PPP2R3A: variants seen among roughly 807,000 people sequenced by gnomAD.
PPP2R3A encodes serine/threonine-protein phosphatase 2A regulatory subunit B'' subunit alpha.
In PPP2R3A, 80 loss-of-function variants were observed where a neutral mutation model predicts 106.9. The ratio of observed to expected loss-of-function variants is 0.75; its 90% confidence interval spans 0.62 to 0.90. PPP2R3A has a LOEUF of 0.90. PPP2R3A is among the 40% of genes least tolerant of loss of function. The probability of loss-of-function intolerance (pLI) is 0.00; values close to 1 mark genes in which losing one functional copy is unlikely to be tolerated. For missense variants in PPP2R3A, 1,386 were observed against 1,350.4 expected (o/e 1.03, Z -0.41); for synonymous variants, 483 against 468.3 (o/e 1.03, Z -0.41).
intron 10 of PPP2R3A, among the ~76,000 whole-genome samples, chr3:136,092,624 T>C (rs1192416718): frequency 6.6e-6 from 1 of 152,144 alleles, no homozygotes; most frequent in Non-Finnish European, 1.5e-5. Context: ...AATATTTCAC[T>C]ACAAAGTGAA....
intron 13 of PPP2R3A, among the ~76,000 whole-genome samples, chr3:136,129,487 T>G (rs1576333262): frequency 6.6e-6 from 1 of 152,272 alleles, no homozygotes; most frequent in East Asian, 1.9e-4. Flanking sequence ...AGTCTCTGAA[T>G]AGACCAATAA....
intron 1 of PPP2R3A, among the ~76,000 whole-genome samples, chr3:135,993,973 C>T (rs566409777): frequency 3.3e-5 from 5 of 152,150 alleles, no homozygotes; most frequent in South Asian, 4.2e-4. Flanking sequence ...GATAATTTTG[C>T]GGTGATAAAA....
intron 2 of PPP2R3A, among the ~76,000 whole-genome samples, chr3:136,003,745 C>A (rs1933743146): frequency 6.6e-6 from 1 of 151,880 alleles, no homozygotes; most frequent in Non-Finnish European, 1.5e-5. Flanking sequence ...TCATCTTCTT[C>A]CCAGCTCTGT....
At chr3:136,123,404 TG>T (rs1233495943) in intron 13 of PPP2R3A, among the ~76,000 whole-genome samples, 1 of 152,124 alleles carries the variant, frequency 6.6e-6, no homozygotes, top group Non-Finnish European at 1.5e-5. Context: ...ATTAAACTAA[TG>T]TCTGCATGAA....
At chr3:136,131,285 T>A (rs189349303) in intron 13 of PPP2R3A, among the ~76,000 whole-genome samples, 1 of 151,736 alleles carries the variant, frequency 6.6e-6, no homozygotes, top group Non-Finnish European at 1.5e-5. Flanking sequence ...AGGGCTAATA[T>A]CCAAAATCTA....
At chr3:136,060,738 T>C (rs1936048477) in intron 5 of PPP2R3A, among the ~76,000 whole-genome samples, 1 of 152,224 alleles carries the variant, frequency 6.6e-6, no homozygotes, top group South Asian at 2.1e-4. Flanking sequence ...AATGTGAGAC[T>C]GGACTAATAA....
At chr3:136,106,539 T>C (rs1045166803) in intron 13 of PPP2R3A, 2 of 544,966 alleles carry the variant, frequency 3.7e-6, no homozygotes, top group Non-Finnish European at 6.5e-6. Context: ...ATGAGTCTCA[T>C]CTTTCACTGG....
At chr3:135,967,513 T>G (rs1523599) in intron 1 of PPP2R3A, among the ~76,000 whole-genome samples, 52,435 of 152,074 alleles carry the variant, frequency 0.34, 10,024 homozygotes, top group African/African-American at 0.52. Context: ...GAATGGAAGT[T>G]TTGTTTCAGC....
Position 136,061,918 on chromosome 3 carries a change from CTCTA to C in PPP2R3A, c.2470-8556_2470-8553del, listed in dbSNP as rs1936088255. ...CTCCAGCCTGGGCGACAGAGCAAGA[CTCTA>C]TCTCAAAAAAAAAAAAAAAAAAAAC... On this transcript the variant is annotated intron_variant, in intron 5 of 13. Transcript: ENST00000264977. Among the ~76,000 whole-genome samples, 9 of 74,018 alleles carry C rather than the reference CTCTA, an allele frequency of 1.2e-4. No individual in the cohort carries two copies. The South Asian group carries it at 4.3e-3, about 35-fold the overall frequency. The allele number at this position is 74,018 out of a possible 152,430, so 48.6% of individuals were successfully genotyped here.
chr3:136,138,868 C>T (rs962512338), intron 13 of PPP2R3A, among the ~76,000 whole-genome samples: 8 of 151,576 alleles, frequency 5.3e-5, no homozygotes, highest in Non-Finnish European at 1.2e-4. Flanking sequence ...TGCACCACCA[C>T]GCCCAGCTAA....
At chr3:136,051,531 T>C (rs1418321414) in intron 5 of PPP2R3A, among the ~76,000 whole-genome samples, 2 of 152,172 alleles carry the variant, frequency 1.3e-5, no homozygotes, top group African/African-American at 2.4e-5. Context: ...GGTTTCACCA[T>C]GTTGGCCAGG....
chr3:135,995,138 A>T (rs1352587272), intron 1 of PPP2R3A, among the ~76,000 whole-genome samples: 1 of 152,306 alleles, frequency 6.6e-6, no homozygotes. Flanking sequence ...CTTTGTGGAG[A>T]TGAAAGGACC....
intron 13 of PPP2R3A, among the ~76,000 whole-genome samples, chr3:136,112,265 T>G (rs1937604516): frequency 6.6e-6 from 1 of 152,158 alleles, no homozygotes; most frequent in Admixed American, 6.6e-5. Flanking sequence ...CCACTGCTAT[T>G]CAACATAGTG....
intron 3 of PPP2R3A, among the ~76,000 whole-genome samples, chr3:136,034,357 T>C (rs1351600070): frequency 6.6e-6 from 1 of 152,210 alleles, no homozygotes; most frequent in Non-Finnish European, 1.5e-5. Flanking sequence ...TGTAGGCGTT[T>C]AGGGCTATGA....
intron 2 of PPP2R3A, among the ~76,000 whole-genome samples, chr3:136,024,802 C>T (rs1172462366): frequency 1.3e-5 from 2 of 152,116 alleles, no homozygotes; most frequent in Non-Finnish European, 2.9e-5. Flanking sequence ...AAAGGAATGA[C>T]ACTAATATAA....
intron 2 of PPP2R3A, among the ~76,000 whole-genome samples, chr3:136,010,097 T>A (rs1175616739): frequency 6.6e-6 from 1 of 152,124 alleles, no homozygotes; most frequent in Non-Finnish European, 1.5e-5. Context: ...CACCCTCAGC[T>A]AATCTTGTTT....
intron 10 of PPP2R3A, among the ~76,000 whole-genome samples, chr3:136,101,541 C>T (rs1937359884): frequency 6.6e-6 from 1 of 152,158 alleles, no homozygotes; most frequent in Admixed American, 6.5e-5. Context: ...CCTCCCACCT[C>T]AGCCGCCCAA....
At chr3:135,967,274 A>T (rs761740419) in intron 1 of PPP2R3A, among the ~76,000 whole-genome samples, 4 of 152,192 alleles carry the variant, frequency 2.6e-5, no homozygotes, top group Non-Finnish European at 4.4e-5. Context: ...TTTTTAAAAA[A>T]CAAAGCTTTG....
At chr3:135,967,903 A>G (rs1268776664) in intron 1 of PPP2R3A, among the ~76,000 whole-genome samples, 2 of 152,202 alleles carry the variant, frequency 1.3e-5, no homozygotes, top group African/African-American at 4.8e-5. Flanking sequence ...GATGTTTAGC[A>G]GCATTTCTAA....
Sources: gnomAD v4.1 joint callset for allele counts (sites outside exome capture counted in the v4.1 genomes callset) on GRCh38, gnomAD v4.1.1 for gene constraint, MANE v1.5 for transcripts, NCBI Gene and HGNC (gene_info 2026-07-23, HGNC 2026-07-21) for gene names.